ODAD2: variants seen among roughly 807,000 people sequenced by gnomAD.
ODAD2 encodes outer dynein arm docking complex subunit 2.
Under a neutral mutation model 106.8 loss-of-function variants are expected in ODAD2, and 89 were observed. The observed-to-expected ratio is 0.83, with a 90% CI of 0.70 to 0.99. ODAD2 has a LOEUF of 0.99. ODAD2 is among the 50% of genes least tolerant of loss of function. The pLI is 0.00. For synonymous variants in ODAD2, 404 were observed against 436.2 expected (o/e 0.93, Z 0.92); for missense variants, 1,168 against 1,238.5 (o/e 0.94, Z 0.85).
At chr10:27,836,324 C>T (rs187495864) in intron 19 of ODAD2, among the ~76,000 whole-genome samples, 2 of 152,186 alleles carry the variant, frequency 1.3e-5, no homozygotes, top group African/African-American at 4.8e-5. Flanking sequence ...GACTTGGCAG[C>T]AGAACTCAGG....
At chr10:27,964,240 T>G (rs1290739147) in intron 9 of ODAD2, among the ~76,000 whole-genome samples, 4 of 152,048 alleles carry the variant, frequency 2.6e-5, no homozygotes, top group Admixed American at 2.6e-4. Flanking sequence ...TAATAACAAT[T>G]TGAACAAAAC....
chr10:27,891,352 T>C (rs1842549291), intron 17 of ODAD2, among the ~76,000 whole-genome samples: 1 of 152,024 alleles, frequency 6.6e-6, no homozygotes. Context: ...TTTAGGTCAC[T>C]GGTTTTCAAA....
intron 17 of ODAD2, among the ~76,000 whole-genome samples, chr10:27,870,528 C>G (rs991222730): frequency 6.6e-6 from 1 of 152,062 alleles, no homozygotes; most frequent in Admixed American, 6.5e-5. Flanking sequence ...TGACAGGCCC[C>G]AGTGTGTGAT....
In ODAD2 at chr10:27,860,812, G is replaced by A; in HGVS notation, c.2834C>T (p.Ala945Val). ...GCCCCACATACAGCAACGTGAAATAGCTTCTGCTAGATGATGTCTCAATTT... is the reference window on the plus strand; with the variant it reads ...GCCCCACATACAGCAACGTGAAATAACTTCTGCTAGATGATGTCTCAATTT... ...NNKLRHHLAE[A>V]ISRCCMWGRN... Residue 945 changes from alanine (A) to valine (V), a missense_variant, in exon 19 of 20, where the codon GCT (alanine) becomes GTT (valine). By Grantham distance (64) the Ala-to-Val change is moderately conservative. Transcript: ENST00000305242. The A allele has an allele frequency of 6.2e-7, 1 of 1,614,138 alleles. No individual in the cohort carries two copies. Among genetic ancestry groups the A allele is most frequent in the African/African-American group, 1.3e-5 (1 of 75,044 alleles).
intron 10 of ODAD2, among the ~76,000 whole-genome samples, chr10:27,952,771 T>C (rs918031831): frequency 6.6e-6 from 1 of 152,220 alleles, no homozygotes; most frequent in Non-Finnish European, 1.5e-5. Context: ...CTAATTTCAC[T>C]CTGAGGTTGA....
chr10:27,879,144 C>A (rs1329192360), intron 17 of ODAD2, among the ~76,000 whole-genome samples: 1 of 152,104 alleles, frequency 6.6e-6, no homozygotes, highest in African/African-American at 2.4e-5. Context: ...ACATAATTTT[C>A]TTAAATATCA....
chr10:27,984,077 C>T, intron 5 of ODAD2, 98 bp from the exon 6 acceptor site: 2 of 1,511,626 alleles, frequency 1.3e-6, no homozygotes, highest in Non-Finnish European at 1.8e-6. Context: ...AAATTTTAAG[C>T]TTTCCCCTTC....
rs200660061 is a variant in ODAD2, at chr10:27,876,755, C to CTTTGG, written c.2611-14138_2611-14134dup. On this transcript the variant is annotated intron_variant, in intron 17 of 19. Coordinates refer to ENST00000305242, the MANE Select transcript of ODAD2 (RefSeq NM_018076.5). ...AGGAAAATATCCGGGGTCAGCTACA[C>CTTTGG]TTTGGTTTGTCCAAGCACACTTTCC... Among the ~76,000 whole-genome samples the CTTTGG allele has an allele frequency of 8.0e-3, 1,215 of 152,276 alleles. 19 individuals are homozygous for CTTTGG. The highest frequency in any genetic ancestry group is 0.028 in the African/African-American group (1,160 of 41,562).
At chr10:27,902,047 G>A (rs1843245166) in intron 17 of ODAD2, among the ~76,000 whole-genome samples, 1 of 151,966 alleles carries the variant, frequency 6.6e-6, no homozygotes, top group Non-Finnish European at 1.5e-5. Flanking sequence ...ATTGACCACA[G>A]AATTGGAAGT....
At chr10:27,835,926 A>T (rs924647447) in intron 19 of ODAD2, 1 of 55,132 alleles carries the variant, frequency 1.8e-5, no homozygotes, top group Non-Finnish European at 4.2e-5. Flanking sequence ...AAATCCCATC[A>T]AAAAAAAAAA....
At chr10:27,933,213 G>A (rs1438586901) in intron 16 of ODAD2, among the ~76,000 whole-genome samples, 2 of 152,152 alleles carry the variant, frequency 1.3e-5, no homozygotes, top group Non-Finnish European at 2.9e-5. Context: ...TTGCATCACT[G>A]TATTTCAGCC....
intron 7 of ODAD2, among the ~76,000 whole-genome samples, chr10:27,980,935 A>C (rs1225580572): frequency 6.6e-6 from 1 of 152,130 alleles, no homozygotes; most frequent in Non-Finnish European, 1.5e-5. Context: ...AGTGTCCATC[A>C]AGGGATGAAT....
chr10:27,840,406 T>C (rs1444212763), intron 19 of ODAD2, among the ~76,000 whole-genome samples: 2 of 152,162 alleles, frequency 1.3e-5, no homozygotes, highest in Non-Finnish European at 2.9e-5. Context: ...TCTTTTGGAG[T>C]GCCTTCCCAG....
intron 17 of ODAD2, among the ~76,000 whole-genome samples, chr10:27,872,585 A>G (rs576613377): frequency 1.1e-4 from 16 of 152,308 alleles, no homozygotes; most frequent in African/African-American, 3.6e-4. Context: ...AATTTTGTCA[A>G]AGGCCTTTCC....
chr10:27,933,025 G>T (rs1366888149), intron 16 of ODAD2, among the ~76,000 whole-genome samples: 1 of 152,128 alleles, frequency 6.6e-6, no homozygotes, highest in Non-Finnish European at 1.5e-5. Context: ...GGAGGCTGAG[G>T]CAGAAGGTTT....
chr10:27,983,176 A>G (rs1430727127), intron 6 of ODAD2, among the ~76,000 whole-genome samples: 1 of 152,212 alleles, frequency 6.6e-6, no homozygotes, highest in Non-Finnish European at 1.5e-5. Context: ...TCCCAGAAAC[A>G]GGCTCACCTC....
chr10:27,864,492 GGAGTGAAGTGAGAGTGGA>G (rs1252094235), intron 17 of ODAD2, among the ~76,000 whole-genome samples: 1 of 147,392 alleles, frequency 6.8e-6, no homozygotes, highest in African/African-American at 2.5e-5. Flanking sequence ...TAGAGAGTGA[GGAGTGAAGTGAGAGTGGA>G]GAGTGAGGTG....
chr10:27,833,552 T>C (rs1837641060), intron 19 of ODAD2, among the ~76,000 whole-genome samples: 1 of 152,234 alleles, frequency 6.6e-6, no homozygotes, highest in Non-Finnish European at 1.5e-5. Flanking sequence ...TGTAAGTATG[T>C]ATCTCTCCTC....
At chr10:27,816,173 C>T (rs1428051312) in intron 19 of ODAD2, among the ~76,000 whole-genome samples, 1 of 152,172 alleles carries the variant, frequency 6.6e-6, no homozygotes, top group Non-Finnish European at 1.5e-5. Context: ...CCCAGTAAAG[C>T]CTACTTCCCA....
Sources: allele counts gnomAD v4.1 joint callset (sites outside exome capture counted in the v4.1 genomes callset), GRCh38; gene constraint gnomAD v4.1.1; transcripts MANE v1.5; gene names NCBI Gene and HGNC (gene_info 2026-07-23, HGNC 2026-07-21).